Variants in ZNF200 observed in about 807,000 individuals in gnomAD.
ZNF200 encodes zinc finger protein 200.
ZNF200 carries 35 observed loss-of-function variants against 33.6 expected under a neutral mutation model. That is an observed-to-expected ratio of 1.04 (90% CI 0.80 to 1.38). ZNF200 has a LOEUF of 1.38. Among genes scored for constraint, ZNF200 ranks in the 40% most tolerant of loss-of-function variants. The pLI, the probability that ZNF200 is intolerant of heterozygous loss-of-function variation, is 0.00. For synonymous variants in ZNF200, 209 were observed against 167.7 expected, an observed-to-expected ratio of 1.25 and a Z score of -1.90; for missense variants, 592 against 470.6, an observed-to-expected ratio of 1.26 and a Z score of -2.39.
At position 3,232,472 on chromosome 16, in the gene ZNF200, G is replaced by C; in HGVS notation, c.415C>G (p.Leu139Val). 1 of 1,614,094 alleles carries C rather than the reference G, an allele frequency of 6.2e-7. No individual in the cohort carries two copies. Among genetic ancestry groups the C allele is most frequent in the South Asian group, 1.1e-5 (1 of 91,090 alleles). The change falls in exon 4 of 5, where the codon CTC becomes GTC. Residue 139 changes from leucine (L) to valine (V), a missense_variant. Leu to Val is a conservative substitution (Grantham distance 32). Coordinates refer to ENST00000414144, the MANE Select transcript of ZNF200 (RefSeq NM_198088.3). Reference sequence around the variant, plus strand: ...CTGTCATCTTCCTTCTCTGACGTGAGTTGTTGAGTAGGATCCAAGCTCACA... The same window carrying C: ...CTGTCATCTTCCTTCTCTGACGTGACTTGTTGAGTAGGATCCAAGCTCACA... ...ECVSLDPTQQ[L>V]TSEKEDDSSV...
In ZNF200 at chr16:3,223,686, T is replaced by G; in HGVS notation, c.*206A>C. The G allele has an allele frequency of 1.5e-6, 1 of 669,876 alleles. No homozygotes were observed. Among genetic ancestry groups the G allele is most frequent in the Non-Finnish European group, 2.3e-6 (1 of 427,568 alleles). 41.5% of individuals were successfully genotyped at this position (669,876 alleles called of 1,614,324 possible). A position where few individuals can be genotyped will look rare whatever the true frequency, so the allele number is the denominator to read the frequency against. On this transcript the variant is annotated 3_prime_UTR_variant, in exon 5 of 5. Transcript: ENST00000414144. Reference sequence around the variant, plus strand: ...AGCTCCTTAGTCCAAAAAGCCTAGATGCTGAGGTATAGCCCTTGAAATGTT... The same window carrying G: ...AGCTCCTTAGTCCAAAAAGCCTAGAGGCTGAGGTATAGCCCTTGAAATGTT...
Position 3,233,792 on chromosome 16 carries a change from C to T in ZNF200, c.-37G>A. 1 of 1,568,900 alleles carries T rather than the reference C, an allele frequency of 6.4e-7. No homozygotes were observed. Among genetic ancestry groups the T allele is most frequent in the South Asian group, 1.2e-5 (1 of 83,602 alleles). On this transcript the variant is annotated 5_prime_UTR_variant, in exon 2 of 5. Transcript: ENST00000414144. The stretch of plus-strand genomic sequence containing the variant: ...ACACACCACACTCGTTTCGCGGGGC[C>T]TCCAGAGCCACCTCTTACTAGAGGA...
chr16:3,232,715 G>A, intron 3 of ZNF200, 118 bp downstream of exon 3: 1 of 1,424,656 alleles, frequency 7.0e-7, no homozygotes, highest in Non-Finnish European at 9.6e-7. Flanking sequence ...AGGGCTCAAG[G>A]AAAAAGCAGA....
intron 4 of ZNF200, chr16:3,226,552 G>T (rs1958478261): frequency 6.6e-6 from 1 of 152,012 alleles, no homozygotes; most frequent in African/African-American, 2.4e-5. Flanking sequence ...TTTTACTTTG[G>T]ATTTTCATTA....
chr16:3,229,837 G>A (rs557051668), intron 4 of ZNF200, among the ~76,000 whole-genome samples: 1 of 151,408 alleles, frequency 6.6e-6, no homozygotes, highest in Admixed American at 6.6e-5. Context: ...CTGCACTCCA[G>A]CCTAGGTGAC....
Position 3,224,061 on chromosome 16 carries a change from T to C in ZNF200, c.1019A>G (p.Glu340Gly). Reference protein sequence around the residue: ...HIREKIFKCPECGKTFPKNEE... With the variant: ...HIREKIFKCPGCGKTFPKNEE... ...ATTCTTTGGGAAGGTTTTCCCACAT[T>C]CTGGACACTTAAATATCTTCTCCCT... The change falls in exon 5 of 5, where the codon GAA becomes GGA. Residue 340 changes from glutamate (E) to glycine (G), a missense_variant. Physicochemically the swap from Glu to Gly is moderately conservative, Grantham distance 98. Transcript: ENST00000414144. 4 of 1,614,238 alleles carry C rather than the reference T, an allele frequency of 2.5e-6. No homozygotes were observed. The highest frequency in any genetic ancestry group is 3.4e-6 in the Non-Finnish European group (4 of 1,180,046).
chr16:3,226,336 T>A (rs1456759799), intron 4 of ZNF200: 1 of 152,212 alleles, frequency 6.6e-6, no homozygotes, highest in Non-Finnish European at 1.5e-5. Flanking sequence ...ATTACAGGCA[T>A]GAGCCACTGC....
chr16:3,224,160 G>A lies in ZNF200; in HGVS notation c.920C>T (p.Pro307Leu). The A allele has an allele frequency of 6.2e-7, 1 of 1,614,144 alleles. No individual in the cohort carries two copies. The highest frequency in any genetic ancestry group is 8.5e-7 in the Non-Finnish European group (1 of 1,180,018). ...KHERIHTGEK[P>L]YSCSQCGKNF... ...TTTTCCACACTGAGAACAGGAATAAGGTTTCTCTCCTGTATGAATTCGCTC... is the reference window on the plus strand; with the variant it reads ...TTTTCCACACTGAGAACAGGAATAAAGTTTCTCTCCTGTATGAATTCGCTC... The change falls in exon 5 of 5, where the codon CCT (proline) becomes CTT (leucine). Residue 307 changes from proline to leucine, a missense_variant. By Grantham distance (98) the Pro-to-Leu change is moderately conservative. Coordinates refer to ENST00000414144, the MANE Select transcript of ZNF200 (RefSeq NM_198088.3).
At chr16:3,234,643 ACCGAAG>A (rs1958753027) in intron 1 of ZNF200, 8 of 152,244 alleles carry the variant, frequency 5.3e-5, no homozygotes, top group African/African-American at 1.9e-4. Flanking sequence ...TACCCCTCGA[ACCGAAG>A]CTCCCTCCGG....
intron 4 of ZNF200, among the ~76,000 whole-genome samples, chr16:3,229,448 T>C (rs1249460479): frequency 6.6e-6 from 1 of 151,968 alleles, no homozygotes; most frequent in African/African-American, 2.4e-5. Context: ...ACTAGTAAGA[T>C]TTAAGCAAAA....
chr16:3,233,997 G>A (rs1362466437), intron 1 of ZNF200, 161 bp from the exon 2 acceptor site: 1 of 429,014 alleles, frequency 2.3e-6, no homozygotes, highest in Non-Finnish European at 4.0e-6. Context: ...GATATGCTTA[G>A]GAAGATGTGA....
rs1294462205 is a variant in ZNF200, at chr16:3,232,409, G to A, written c.466+12C>T. On this transcript the variant is annotated intron_variant, in intron 4 of 4. Transcript: ENST00000414144. ...CAAACAACCTGAACACACAAAGGCT[G>A]TGATTTCTTACCCAGTAACATCATT... The A allele has an allele frequency of 1.8e-5, 29 of 1,612,600 alleles. No homozygotes were observed. The highest frequency in any genetic ancestry group is 2.2e-5 in the Non-Finnish European group (26 of 1,179,280).
chr16:3,232,331 G>A (rs1256705314), intron 4 of ZNF200, 90 bp downstream of exon 4: 3 of 1,414,014 alleles, frequency 2.1e-6, no homozygotes, highest in Non-Finnish European at 2.9e-6. Flanking sequence ...AGGCTTACCA[G>A]GTGTGAATCG....
intron 3 of ZNF200, 102 bp from the exon 4 acceptor site, chr16:3,232,649 A>G: frequency 6.5e-7 from 1 of 1,533,172 alleles, no homozygotes; most frequent in South Asian, 1.2e-5. Flanking sequence ...AGGGATAGCA[A>G]GAGGGACCTA....
intron 4 of ZNF200, chr16:3,225,844 C>A (rs1160939623): frequency 6.6e-6 from 1 of 151,788 alleles, no homozygotes; most frequent in Non-Finnish European, 1.5e-5. Context: ...GGGGCTGATC[C>A]TGAAGCTGGA....
chr16:3,228,659 T>C (rs1958545759), intron 4 of ZNF200, among the ~76,000 whole-genome samples: 1 of 151,968 alleles, frequency 6.6e-6, no homozygotes, highest in Non-Finnish European at 1.5e-5. Flanking sequence ...CACACCCAGC[T>C]AACTTTTGTA....
At chr16:3,224,942 G>A (rs1567217413) in intron 4 of ZNF200, 3 of 246,814 alleles carry the variant, frequency 1.2e-5, no homozygotes, top group East Asian at 8.9e-5. Context: ...GTAAGGACTA[G>A]GGATGAAGAC....
rs1284906857 is a variant in ZNF200 at position 3,222,852 on chromosome 16, G to A, written c.*1040C>T. ...GGAAACCTGTCTCTTGAGAGGCAATGTGAGCTAACCACTGGAGACGTAATT... is the reference window on the plus strand; with the variant it reads ...GGAAACCTGTCTCTTGAGAGGCAATATGAGCTAACCACTGGAGACGTAATT... On this transcript the variant is annotated 3_prime_UTR_variant, in exon 5 of 5. Transcript: ENST00000414144. The A allele has an allele frequency of 6.6e-6, 1 of 152,260 alleles. No individual in the cohort carries two copies. The highest frequency in any genetic ancestry group is 2.4e-5 in the African/African-American group (1 of 41,456). The allele number at this position is 152,260 out of a possible 1,614,324, so 9.4% of individuals were successfully genotyped here.
intron 4 of ZNF200, among the ~76,000 whole-genome samples, chr16:3,230,315 C>G (rs1467036913): frequency 6.6e-6 from 1 of 152,198 alleles, no homozygotes; most frequent in East Asian, 1.9e-4. Flanking sequence ...AAGACAGTTG[C>G]TTAAGAGTTT....
Sources: gnomAD v4.1 joint callset for allele counts (sites outside exome capture counted in the v4.1 genomes callset) on GRCh38, gnomAD v4.1.1 for gene constraint, MANE v1.5 for transcripts, NCBI Gene and HGNC (gene_info 2026-07-23, HGNC 2026-07-21) for gene names.